The following CNTN4 variants were observed in gnomAD, a reference collection of about 807,000 sequenced individuals.
CNTN4 encodes contactin 4.
CNTN4 carries 77 observed loss-of-function variants against 122.5 expected under a neutral mutation model. That is an observed-to-expected ratio of 0.63 (90% CI 0.52 to 0.76). CNTN4 has a LOEUF of 0.76. Ranked by LOEUF, CNTN4 falls within the 30% of genes least tolerant of loss-of-function variation. The pLI, the probability that CNTN4 is intolerant of heterozygous loss-of-function variation, is 0.00. For missense variants in CNTN4, 1,256 were observed against 1,259.1 expected, an observed-to-expected ratio of 1.00 and a Z score of 0.04; for synonymous variants, 512 against 447.0, an observed-to-expected ratio of 1.15 and a Z score of -1.83.
At chr3:2,875,804 A>G (rs17585537) in intron 8 of CNTN4, among the ~76,000 whole-genome samples, 6,745 of 152,292 alleles carry the variant, frequency 0.044, 183 homozygotes, top group Non-Finnish European at 0.067. Flanking sequence ...ACATGGATAC[A>G]TGGATAACTT....
chr3:2,515,104 G>A (rs1214032067), intron 3 of CNTN4, among the ~76,000 whole-genome samples: 3 of 152,058 alleles, frequency 2.0e-5, no homozygotes, highest in Non-Finnish European at 2.9e-5. Context: ...TAACCTGTTT[G>A]CGGCTTTCTC....
chr3:2,769,954 T>C (rs2091016419), intron 6 of CNTN4, among the ~76,000 whole-genome samples: 1 of 152,154 alleles, frequency 6.6e-6, no homozygotes, highest in Non-Finnish European at 1.5e-5. Context: ...CATGGTTAGA[T>C]TAGTTATGTC....
chr3:2,876,496 G>A (rs993296129), intron 8 of CNTN4, among the ~76,000 whole-genome samples: 2 of 151,974 alleles, frequency 1.3e-5, no homozygotes, highest in African/African-American at 2.4e-5. Flanking sequence ...ATCCCACTCT[G>A]TGGAAGTTAG....
At chr3:2,681,015 A>G (rs542731975) in intron 4 of CNTN4, among the ~76,000 whole-genome samples, 6 of 152,360 alleles carry the variant, frequency 3.9e-5, no homozygotes, top group Admixed American at 6.5e-5. Context: ...TGGCTAAAAT[A>G]CAAAATGTAT....
At chr3:2,749,711 C>A (rs894464198) in intron 6 of CNTN4, among the ~76,000 whole-genome samples, 1 of 152,082 alleles carries the variant, frequency 6.6e-6, no homozygotes, top group Non-Finnish European at 1.5e-5. Context: ...CCCAAACCCA[C>A]CCTTTCTATT....
At chr3:2,562,570 T>A (rs1161766928) in intron 3 of CNTN4, among the ~76,000 whole-genome samples, 4 of 152,228 alleles carry the variant, frequency 2.6e-5, no homozygotes, top group Non-Finnish European at 5.9e-5. Flanking sequence ...TCATTCATTT[T>A]CATTGTTGCA....
chr3:2,149,869 A>G (rs2035416030), intron 2 of CNTN4, among the ~76,000 whole-genome samples: 1 of 152,016 alleles, frequency 6.6e-6, no homozygotes, highest in Admixed American at 6.5e-5. Flanking sequence ...TGACAACATA[A>G]CCAGAGGCCT....
chr3:2,585,766 C>T (rs2080170792), intron 4 of CNTN4, among the ~76,000 whole-genome samples: 1 of 150,470 alleles, frequency 6.6e-6, no homozygotes, highest in South Asian at 2.1e-4. Context: ...TGCAGCACAC[C>T]AACATGGCAC....
At chr3:2,438,087 T>C (rs1019855123) in intron 3 of CNTN4, among the ~76,000 whole-genome samples, 3 of 152,234 alleles carry the variant, frequency 2.0e-5, no homozygotes, top group Admixed American at 6.5e-5. Flanking sequence ...TTTTCACTTA[T>C]GTTTCTATTG....
intron 3 of CNTN4, among the ~76,000 whole-genome samples, chr3:2,348,775 A>G (rs1319626804): frequency 2.0e-5 from 3 of 152,182 alleles, no homozygotes; most frequent in Non-Finnish European, 4.4e-5. Context: ...TTTTAACCCT[A>G]TGACTCATAT....
At chr3:2,965,754 T>G (rs945097578) in intron 13 of CNTN4, among the ~76,000 whole-genome samples, 1 of 152,154 alleles carries the variant, frequency 6.6e-6, no homozygotes, top group Non-Finnish European at 1.5e-5. Context: ...CTGACCCCTT[T>G]CTGAACCCAC....
In CNTN4 at chr3:2,181,920, T is replaced by C. The variant is rs145283869; in HGVS notation, c.-145+81281T>C. ...AATAATATGACCCAATTTTAGGTGG[T>C]GATCTATATGTCATTGCTGGTTCCT... is the stretch of plus-strand genomic sequence containing the variant. On this transcript the variant is annotated intron_variant, in intron 2 of 24. Coordinates refer to ENST00000418658, the MANE Select transcript of CNTN4 (RefSeq NM_175607.3). 2.3e-3 allele frequency among the ~76,000 whole-genome samples: 355 copies of C among 152,230 alleles called. 3 individuals are homozygous for C. Among genetic ancestry groups the C allele is most frequent in the African/African-American group, 8.2e-3 (342 of 41,552 alleles).
intron 2 of CNTN4, among the ~76,000 whole-genome samples, chr3:2,212,377 A>G (rs1471742366): frequency 1.3e-5 from 2 of 152,180 alleles, no homozygotes; most frequent in Non-Finnish European, 2.9e-5. Flanking sequence ...GGTAACTGAC[A>G]AAGGAAAGAG....
chr3:3,034,503 A>T, intron 16 of CNTN4, 129 bp from the exon 17 acceptor site: 2 of 1,023,482 alleles, frequency 2.0e-6, no homozygotes, highest in Non-Finnish European at 3.0e-6. Flanking sequence ...TTCAAAAAGG[A>T]TTTGACAAGT....
chr3:2,784,560 C>G (rs1332538473), intron 6 of CNTN4, among the ~76,000 whole-genome samples: 1 of 152,142 alleles, frequency 6.6e-6, no homozygotes, highest in African/African-American at 2.4e-5. Flanking sequence ...AAACTGCACT[C>G]TAAGGAAAGA....
At chr3:2,580,222 C>G (rs1347725823) in intron 4 of CNTN4, among the ~76,000 whole-genome samples, 1 of 152,020 alleles carries the variant, frequency 6.6e-6, no homozygotes, top group South Asian at 2.1e-4. Flanking sequence ...AACAGCAAAC[C>G]AGTGGTGTTG....
At chr3:2,743,166 A>G (rs1314442577) in intron 5 of CNTN4, among the ~76,000 whole-genome samples, 1 of 151,910 alleles carries the variant, frequency 6.6e-6, no homozygotes, top group East Asian at 1.9e-4. Context: ...TGCAGCTCAC[A>G]TTATGTTGCG....
chr3:2,393,926 A>G (rs1307363281), intron 3 of CNTN4, among the ~76,000 whole-genome samples: 1 of 152,096 alleles, frequency 6.6e-6, no homozygotes, highest in Non-Finnish European at 1.5e-5. Context: ...TATCTGTTTT[A>G]ATCCTCCTAA....
At position 2,170,175 on chromosome 3, in the gene CNTN4, G is replaced by T. The variant is rs372428444; in HGVS notation, c.-145+69536G>T. On this transcript the variant is annotated intron_variant, in intron 2 of 24. Coordinates refer to ENST00000418658, the MANE Select transcript of CNTN4 (RefSeq NM_175607.3). ...TCTCTACTAAAAATACAAAAAATTA[G>T]CCGGGCGTGGTGGCGGCGCCTGTAG... 4.7e-3 allele frequency among the ~76,000 whole-genome samples: 658 copies of T among 141,246 alleles called. 2 individuals carry two copies. Among genetic ancestry groups the T allele is most frequent in the African/African-American group, 0.018 (612 of 34,200 alleles). The allele number at this position is 141,246 out of a possible 152,430, so 92.7% of individuals were successfully genotyped here. A position where few individuals can be genotyped will look rare whatever the true frequency, so the allele number is the denominator to read the frequency against.
Sources: allele counts gnomAD v4.1 joint callset (sites outside exome capture counted in the v4.1 genomes callset), GRCh38; gene constraint gnomAD v4.1.1; transcripts MANE v1.5; gene names NCBI Gene and HGNC (gene_info 2026-07-23, HGNC 2026-07-21).